Variants in PLPPR5 observed in about 807,000 individuals in gnomAD.
PLPPR5 encodes phospholipid phosphatase related 5, also known as phospholipid phosphatase-related protein type 5.
PLPPR5 carries 16 observed loss-of-function variants against 33.9 expected under a neutral mutation model. That is an observed-to-expected ratio of 0.47 (90% CI 0.32 to 0.72). The LOEUF is 0.72. Among genes scored for constraint, PLPPR5 ranks in the 30% least tolerant of loss-of-function variants. PLPPR5 has a pLI of 0.03. For synonymous variants in PLPPR5, 163 were observed against 150.3 expected (o/e 1.08, Z -0.62); for missense variants, 301 against 406.7 (o/e 0.74, Z 2.23).
chr1:98,894,834 C>G (rs772698083), intron 5 of PLPPR5, among the ~76,000 whole-genome samples: 2 of 152,012 alleles, frequency 1.3e-5, no homozygotes, highest in African/African-American at 2.4e-5. Context: ...CTTTAATAAA[C>G]AGAGAAATAA....
At chr1:98,980,043 C>A (rs1652000258) in intron 1 of PLPPR5, among the ~76,000 whole-genome samples, 1 of 152,146 alleles carries the variant, frequency 6.6e-6, no homozygotes, top group South Asian at 2.1e-4. Context: ...GTCCTAAATG[C>A]ACTACTGGTT....
chr1:98,957,332 A>ATAG (rs1651050995), intron 1 of PLPPR5, among the ~76,000 whole-genome samples: 1 of 116,506 alleles, frequency 8.6e-6, no homozygotes, highest in African/African-American at 3.9e-5. Flanking sequence ...AACTTAAAGT[A>ATAG]TAATAATAAT....
At chr1:98,961,619 T>C (rs1300714805) in intron 1 of PLPPR5, among the ~76,000 whole-genome samples, 1 of 152,220 alleles carries the variant, frequency 6.6e-6, no homozygotes, top group Non-Finnish European at 1.5e-5. Flanking sequence ...TATTCATATC[T>C]ATTCTTTCTT....
intron 1 of PLPPR5, among the ~76,000 whole-genome samples, chr1:99,003,304 AGAT>A (rs1262690926): frequency 6.6e-6 from 1 of 151,628 alleles, no homozygotes; most frequent in African/African-American, 2.4e-5. Flanking sequence ...TTAAAAAAAA[AGAT>A]GAACATCCAA....
chr1:98,984,616 T>C (rs966191314), intron 1 of PLPPR5, among the ~76,000 whole-genome samples: 6 of 152,222 alleles, frequency 3.9e-5, no homozygotes, highest in African/African-American at 1.4e-4. Context: ...CAAAACATTT[T>C]ATTGACTCTT....
At chr1:98,952,052 C>G (rs1650803493) in intron 3 of PLPPR5, among the ~76,000 whole-genome samples, 1 of 152,084 alleles carries the variant, frequency 6.6e-6, no homozygotes, top group Admixed American at 6.6e-5. Flanking sequence ...CACTTGAGGT[C>G]TGAAGTTTGA....
At chr1:98,953,742 CA>C (rs1202204158) in intron 2 of PLPPR5, among the ~76,000 whole-genome samples, 1 of 152,118 alleles carries the variant, frequency 6.6e-6, no homozygotes, top group Non-Finnish European at 1.5e-5. Flanking sequence ...CGAAGCAAAG[CA>C]GTTGTCTCTC....
chr1:98,913,261 C>T (rs1297497412), intron 5 of PLPPR5, among the ~76,000 whole-genome samples: 1 of 152,194 alleles, frequency 6.6e-6, no homozygotes, highest in African/African-American at 2.4e-5. Flanking sequence ...ATCCCAAAAA[C>T]ATTAATTCAC....
Position 98,959,071 on chromosome 1 carries a change from T to C in PLPPR5, c.238-2330A>G, listed in dbSNP as rs376831017. Among the ~76,000 whole-genome samples the C allele has an allele frequency of 1.0e-3, 155 of 152,350 alleles. 1 individual carries two copies. Among genetic ancestry groups the C allele is most frequent in the African/African-American group, 3.6e-3 (149 of 41,584 alleles). ...TCAAAAAACCGTCAGCTTCAATAGATCAGAATGTCCTAGTCTGCTATTAAT... is the reference window on the plus strand; with the variant it reads ...TCAAAAAACCGTCAGCTTCAATAGACCAGAATGTCCTAGTCTGCTATTAAT... On this transcript the variant is annotated intron_variant, in intron 1 of 5. Coordinates refer to ENST00000263177, the MANE Select transcript of PLPPR5 (RefSeq NM_001037317.2).
chr1:98,943,313 G>T (rs549579785), intron 3 of PLPPR5, among the ~76,000 whole-genome samples: 1 of 152,230 alleles, frequency 6.6e-6, no homozygotes, highest in African/African-American at 2.4e-5. Flanking sequence ...ACATTGTAAT[G>T]ATTTCCCCAG....
intron 5 of PLPPR5, among the ~76,000 whole-genome samples, chr1:98,912,811 G>A (rs900204858): frequency 1.3e-5 from 2 of 152,096 alleles, no homozygotes; most frequent in African/African-American, 4.8e-5. Context: ...GTATTTTGTG[G>A]AATTTATATA....
chr1:98,892,797 A>T lies in PLPPR5; in HGVS notation c.*275T>A, dbSNP rs952437843. On this transcript the variant is annotated 3_prime_UTR_variant, in exon 6 of 6. Coordinates refer to ENST00000263177, the MANE Select transcript of PLPPR5 (RefSeq NM_001037317.2). ...ACTAAAGTGAATGTTTTATTTAAGA[A>T]TTTTGTTCATTTGGTCATCACATTT... is the stretch of plus-strand genomic sequence containing the variant. The T allele has an allele frequency of 7.0e-5, 24 of 342,796 alleles. No individual in the cohort carries two copies. In the East Asian group the frequency reaches 8.9e-4, roughly 13 times the overall value. The allele number at this position is 342,796 out of a possible 1,614,324, so 21.2% of individuals were successfully genotyped here.
intron 1 of PLPPR5, among the ~76,000 whole-genome samples, chr1:98,978,827 T>C (rs1557691334): frequency 6.6e-6 from 1 of 152,032 alleles, no homozygotes; most frequent in Non-Finnish European, 1.5e-5. Context: ...ATTCATTCCA[T>C]ATTACAAGAA....
intron 5 of PLPPR5, among the ~76,000 whole-genome samples, chr1:98,898,312 A>G (rs1648559878): frequency 6.6e-6 from 1 of 152,196 alleles, no homozygotes; most frequent in Admixed American, 6.6e-5. Flanking sequence ...AGAAGGAATC[A>G]TGGTCCAATA....
chr1:98,984,389 T>C (rs1652179025), intron 1 of PLPPR5, among the ~76,000 whole-genome samples: 1 of 152,074 alleles, frequency 6.6e-6, no homozygotes, highest in Admixed American at 6.6e-5. Context: ...CCAGCTATGC[T>C]TGCCTTTTAC....
At chr1:98,955,760 T>A (rs1200575704) in intron 2 of PLPPR5, among the ~76,000 whole-genome samples, 2 of 152,082 alleles carry the variant, frequency 1.3e-5, no homozygotes, top group South Asian at 4.1e-4. Flanking sequence ...ATATGAGAAC[T>A]ATGTTGAAGA....
upstream of PLPPR5, among the ~76,000 whole-genome samples, chr1:99,005,260 A>T (rs576590133): frequency 6.6e-6 from 1 of 152,280 alleles, no homozygotes; most frequent in East Asian, 1.9e-4. Flanking sequence ...AACGCCTGGG[A>T]AAATGGTGCG....
At chr1:98,991,445 T>A (rs1001970873) in intron 1 of PLPPR5, among the ~76,000 whole-genome samples, 1 of 152,154 alleles carries the variant, frequency 6.6e-6, no homozygotes, top group African/African-American at 2.4e-5. Context: ...CACTTTCTAC[T>A]CCATTTGCAA....
At chr1:98,928,255 T>C (rs1023282503) in intron 3 of PLPPR5, among the ~76,000 whole-genome samples, 1 of 152,004 alleles carries the variant, frequency 6.6e-6, no homozygotes. Context: ...TGTTAATATA[T>C]GTTTGAAACA....
Sources: gnomAD v4.1 joint callset for allele counts (sites outside exome capture counted in the v4.1 genomes callset) on GRCh38, gnomAD v4.1.1 for gene constraint, MANE v1.5 for transcripts, NCBI Gene and HGNC (gene_info 2026-07-23, HGNC 2026-07-21) for gene names.